BACH2: variants seen among roughly 807,000 people sequenced by gnomAD.
BACH2 encodes the protein BACH transcriptional regulator 2.
A neutral mutation model predicts 61.8 loss-of-function variants in BACH2; 5 were observed. The ratio of observed to expected loss-of-function variants is 0.08; its 90% CI spans 0.04 to 0.17. The LOEUF (loss-of-function observed/expected upper bound fraction) is 0.17, where lower values mean the gene tolerates loss of function less well. BACH2 is among the 10% of genes least tolerant of loss of function. BACH2 has a pLI of 1.00. For missense variants in BACH2, 824 were observed against 1,091.1 expected (o/e 0.76, Z 3.45); for synonymous variants, 446 against 440.1 (o/e 1.01, Z -0.17).
At chr6:90,057,034 T>C (rs987040862) in intron 5 of BACH2, among the ~76,000 whole-genome samples, 13 of 152,062 alleles carry the variant, frequency 8.5e-5, no homozygotes, top group Admixed American at 7.2e-4. Context: ...AGATCTAAAA[T>C]TGACACCCTA....
At chr6:89,986,126 C>T (rs1776223542) in intron 6 of BACH2, among the ~76,000 whole-genome samples, 1 of 152,038 alleles carries the variant, frequency 6.6e-6, no homozygotes, top group East Asian at 1.9e-4. Flanking sequence ...ACTCAGCCCC[C>T]TGCCTGTGGA....
intron 4 of BACH2, among the ~76,000 whole-genome samples, chr6:90,104,647 T>A (rs114547150): frequency 6.6e-6 from 1 of 152,182 alleles, no homozygotes; most frequent in Non-Finnish European, 1.5e-5. Flanking sequence ...CCAAGTGAGC[T>A]CCCAGGGTCA....
intron 4 of BACH2, among the ~76,000 whole-genome samples, chr6:90,169,779 A>G (rs1299805395): frequency 2.0e-5 from 3 of 152,212 alleles, no homozygotes; most frequent in African/African-American, 4.8e-5. Context: ...TTTTTGCACT[A>G]AAGAAATGAA....
Position 89,931,567 on chromosome 6 carries a change from C to CA in BACH2, c.*840dup, listed in dbSNP as rs1165333232. ...ACTCAGTGCAAGTGGCAAAGTTGAC[C>CA]ATTACTGTACAGTATCTGCAAGGAA... is the stretch of plus-strand genomic sequence containing the variant. On this transcript the variant is annotated 3_prime_UTR_variant, in exon 9 of 9. Transcript: ENST00000257749. 7.2e-5 allele frequency: 11 copies of CA among 152,590 alleles called. No individual in the cohort carries two copies. Among genetic ancestry groups the CA allele is most frequent in the African/African-American group, 2.7e-4 (11 of 41,480 alleles). 9.5% of individuals were successfully genotyped at this position (152,590 alleles called of 1,614,324 possible).
chr6:90,098,131 C>A (rs1273140433), intron 4 of BACH2, among the ~76,000 whole-genome samples: 3 of 152,168 alleles, frequency 2.0e-5, no homozygotes, highest in Non-Finnish European at 4.4e-5. Flanking sequence ...TTTACCAATG[C>A]ACTGCATCTA....
At position 90,113,233 on chromosome 6, in the gene BACH2, C is replaced by T. The variant is rs529126721; in HGVS notation, c.-161-24124G>A. Among the ~76,000 whole-genome samples, 3 of 152,272 alleles carry T rather than the reference C, an allele frequency of 2.0e-5. No homozygotes were observed. In the East Asian group the frequency reaches 5.8e-4, roughly 29 times the overall value. On this transcript the variant is annotated intron_variant, in intron 4 of 8. Transcript: ENST00000257749. Reference sequence around the variant, plus strand: ...TTAACAAAGATATTCAGGACCTAAACTTAGCACTGGACCAAACAGATCTGA... The same window carrying T: ...TTAACAAAGATATTCAGGACCTAAATTTAGCACTGGACCAAACAGATCTGA...
chr6:89,970,737 C>G (rs1775311140), intron 6 of BACH2, among the ~76,000 whole-genome samples: 1 of 152,160 alleles, frequency 6.6e-6, no homozygotes, highest in Non-Finnish European at 1.5e-5. Context: ...GCCGAGCTGG[C>G]TGGCTTCTTT....
chr6:90,086,734 C>A (rs142262950), intron 5 of BACH2, among the ~76,000 whole-genome samples: 2 of 152,198 alleles, frequency 1.3e-5, no homozygotes, highest in South Asian at 4.2e-4. Flanking sequence ...CACAGGAACA[C>A]TGGATGTGTA....
chr6:90,016,827 G>A (rs1172277274), intron 5 of BACH2, among the ~76,000 whole-genome samples: 2 of 149,712 alleles, frequency 1.3e-5, no homozygotes, highest in South Asian at 2.1e-4. Flanking sequence ...TTTCTTTTCA[G>A]TACTTTGAAA....
chr6:90,026,259 T>C (rs768142314), intron 5 of BACH2, among the ~76,000 whole-genome samples: 1 of 152,012 alleles, frequency 6.6e-6, no homozygotes, highest in African/African-American at 2.4e-5. Context: ...GTGGGGAAGA[T>C]GGAAGGAGGA....
Position 90,212,804 on chromosome 6 carries a change from C to CGCACA in BACH2, c.-274-6128_-274-6124dup, listed in dbSNP as rs143303885. On this transcript the variant is annotated intron_variant, in intron 3 of 8. Transcript: ENST00000257749. ...AGAGAGACACATTGTTGGTAACACACGCACACAAATAGTCTGAGAGCCAGA... is the reference window on the plus strand; with the variant it reads ...AGAGAGACACATTGTTGGTAACACACGCACAGCACACAAATAGTCTGAGAGCCAGA... Among the ~76,000 whole-genome samples the CGCACA allele has an allele frequency of 4.6e-5, 7 of 152,250 alleles. No individual in the cohort carries two copies. The East Asian group carries it at 1.2e-3, about 25-fold the overall frequency.
intron 4 of BACH2, among the ~76,000 whole-genome samples, chr6:90,168,840 C>T (rs1767717081): frequency 6.6e-6 from 1 of 152,204 alleles, no homozygotes; most frequent in Non-Finnish European, 1.5e-5. Flanking sequence ...CTGGACACCA[C>T]TACCTTATTT....
At chr6:89,986,715 G>A (rs190945632) in intron 6 of BACH2, among the ~76,000 whole-genome samples, 1 of 152,178 alleles carries the variant, frequency 6.6e-6, no homozygotes, top group East Asian at 1.9e-4. Context: ...TGATCTTTCT[G>A]AGCTTGGCAA....
chr6:89,950,761 A>C lies in BACH2; in HGVS notation c.1345T>G (p.Ser449Ala). 1 of 1,614,128 alleles carries C rather than the reference A, an allele frequency of 6.2e-7. No homozygotes were observed. The highest frequency in any genetic ancestry group is 1.1e-5 in the South Asian group (1 of 91,078). The change falls in exon 7 of 9, where the codon TCT becomes GCT. Residue 449 changes from serine to alanine, a missense_variant. Physicochemically the swap from Ser to Ala is moderately conservative, Grantham distance 99. Transcript: ENST00000257749. This position sits in a 1 kb window ranked among gnomAD's most constrained non-coding sequence, Gnocchi z 5.3. The part of the protein sequence containing the change: ...DQVSTSVHSY[S>A]GVSSLDKDLS... ...TCTTTGTCCAAACTGCTCACCCCAG[A>C]ATAAGAATGCACCGAGGTGCTCACT...
At chr6:89,981,526 C>T (rs539733692) in intron 6 of BACH2, among the ~76,000 whole-genome samples, 38 of 152,150 alleles carry the variant, frequency 2.5e-4, no homozygotes, top group African/African-American at 8.7e-4. Context: ...AACTGCCAAT[C>T]GATATTCATG....
intron 4 of BACH2, among the ~76,000 whole-genome samples, chr6:90,094,942 A>C (rs1782321350): frequency 6.6e-6 from 1 of 152,166 alleles, no homozygotes; most frequent in Non-Finnish European, 1.5e-5. Flanking sequence ...ACAAAATAAG[A>C]CTTCAAAACT....
Position 89,932,430 on chromosome 6 carries a change from T to C in BACH2, c.2504A>G (p.Gln835Arg). 6.2e-7 allele frequency: 1 copy of C among 1,613,796 alleles called. No homozygotes were observed. The highest frequency in any genetic ancestry group is 8.5e-7 in the Non-Finnish European group (1 of 1,179,708). Residue 835 changes from glutamine (Q) to arginine (R), a missense_variant, in exon 9 of 9, where the codon CAG (glutamine) becomes CGG (arginine). This residue lies in a region of BACH2 where 135 missense variants were observed against 142.7 expected (regional missense o/e 0.95). Coordinates refer to ENST00000257749, the MANE Select transcript of BACH2 (RefSeq NM_021813.4). ...EMTDKCTTDEQPRKDYT is the reference protein window; with the variant it reads ...EMTDKCTTDERPRKDYT ...TCACTAGGTATAATCTTTCCTGGGC[T>C]GTTCGTCAGTTGTACACTTATCAGT...
chr6:90,018,361 CCAGCTCTTCCT>C (rs1329224574), intron 5 of BACH2, among the ~76,000 whole-genome samples: 2 of 152,182 alleles, frequency 1.3e-5, no homozygotes, highest in African/African-American at 4.8e-5. Context: ...GAAGAGTCAG[CCAGCTCTTCCT>C]TGGTTCTTCC....
intron 3 of BACH2, among the ~76,000 whole-genome samples, chr6:90,235,600 A>C (rs1269176865): frequency 6.6e-6 from 1 of 152,234 alleles, no homozygotes; most frequent in Non-Finnish European, 1.5e-5. Flanking sequence ...GGCAAAGAGG[A>C]TCCTTTCAGC....
Sources: allele counts gnomAD v4.1 joint callset (sites outside exome capture counted in the v4.1 genomes callset), GRCh38; gene constraint gnomAD v4.1.1; regional missense constraint gnomAD v4.1.1; non-coding constraint Gnocchi (gnomAD v3.1); transcripts MANE v1.5; gene names NCBI Gene and HGNC (gene_info 2026-07-23, HGNC 2026-07-21).